ZNF148: variants seen among roughly 807,000 people sequenced by gnomAD.
ZNF148 encodes the protein zinc finger protein 148.
ZNF148 carries 7 observed loss-of-function variants against 67.7 expected under a neutral mutation model. The ratio of observed to expected loss-of-function variants is 0.10; its 90% CI spans 0.06 to 0.19. ZNF148 has a LOEUF of 0.19. Ranked by LOEUF, ZNF148 falls within the 10% of genes least tolerant of loss-of-function variation. The probability of loss-of-function intolerance (pLI) is 1.00; values close to 1 mark genes in which losing one functional copy is unlikely to be tolerated. For missense variants in ZNF148, 583 were observed against 947.1 expected, an observed-to-expected ratio of 0.62 and a Z score of 5.05; for synonymous variants, 333 against 330.7, an observed-to-expected ratio of 1.01 and a Z score of -0.08.
intron 2 of ZNF148, among the ~76,000 whole-genome samples, chr3:125,328,552 A>C (rs1233241407): frequency 6.6e-6 from 1 of 152,130 alleles, no homozygotes; most frequent in Non-Finnish European, 1.5e-5. Context: ...AATATACACT[A>C]TGTATGTTAC....
intron 1 of ZNF148, among the ~76,000 whole-genome samples, chr3:125,332,261 T>G (rs1032518845): frequency 6.6e-6 from 1 of 152,192 alleles, no homozygotes; most frequent in Non-Finnish European, 1.5e-5. Context: ...TTTAAAATAC[T>G]TGATTTCTAC....
At chr3:125,250,480 T>G (rs1936790853) in intron 7 of ZNF148, among the ~76,000 whole-genome samples, 1 of 152,218 alleles carries the variant, frequency 6.6e-6, no homozygotes, top group Non-Finnish European at 1.5e-5. Flanking sequence ...AGTGTGGACC[T>G]CTGATTACAT....
At chr3:125,370,930 G>A (rs1942858041) in intron 1 of ZNF148, among the ~76,000 whole-genome samples, 2 of 151,962 alleles carry the variant, frequency 1.3e-5, no homozygotes, top group African/African-American at 4.8e-5. Flanking sequence ...TCCTCAAAAT[G>A]TATCACCACC....
At chr3:125,354,820 A>G (rs1263533765) in intron 1 of ZNF148, among the ~76,000 whole-genome samples, 2 of 152,256 alleles carry the variant, frequency 1.3e-5, no homozygotes, top group African/African-American at 4.8e-5. Context: ...TTACAGTGGT[A>G]ACAACACCAT....
At chr3:125,367,663 C>G (rs1462810298) in intron 1 of ZNF148, among the ~76,000 whole-genome samples, 1 of 152,150 alleles carries the variant, frequency 6.6e-6, no homozygotes, top group Non-Finnish European at 1.5e-5. Context: ...TCAACAAGCT[C>G]GTGTCTACTG....
At chr3:125,241,982 C>A (rs1184858107) in intron 7 of ZNF148, among the ~76,000 whole-genome samples, 2 of 152,132 alleles carry the variant, frequency 1.3e-5, no homozygotes, top group African/African-American at 4.8e-5. Context: ...GTGGATGGAG[C>A]CATCTTATAT....
At chr3:125,305,919 C>T (rs1939854177) in intron 4 of ZNF148, among the ~76,000 whole-genome samples, 1 of 152,008 alleles carries the variant, frequency 6.6e-6, no homozygotes, top group African/African-American at 2.4e-5. Context: ...ATAGAACACT[C>T]ACCAAACAGA....
chr3:125,333,213 G>T (rs1248193091), intron 1 of ZNF148, among the ~76,000 whole-genome samples: 1 of 152,070 alleles, frequency 6.6e-6, no homozygotes, highest in African/African-American at 2.4e-5. Flanking sequence ...TTTATTGAAA[G>T]CACTAAATTA....
At chr3:125,242,867 A>G (rs907112394) in intron 7 of ZNF148, among the ~76,000 whole-genome samples, 1 of 152,150 alleles carries the variant, frequency 6.6e-6, no homozygotes, top group African/African-American at 2.4e-5. Flanking sequence ...CATCTGTTCC[A>G]CTAGTGTGAC....
chr3:125,341,202 T>C (rs548100280), intron 1 of ZNF148, among the ~76,000 whole-genome samples: 1 of 150,196 alleles, frequency 6.7e-6, no homozygotes, highest in Non-Finnish European at 1.5e-5. Flanking sequence ...AATAAAAATG[T>C]TTCCACAATT....
At chr3:125,259,010 A>G (rs946352258) in intron 7 of ZNF148, among the ~76,000 whole-genome samples, 1 of 152,196 alleles carries the variant, frequency 6.6e-6, no homozygotes, top group African/African-American at 2.4e-5. Context: ...AGTTAATTGT[A>G]TATTGCACAG....
chr3:125,338,659 C>CAAAAAAA (rs757727396), intron 1 of ZNF148, among the ~76,000 whole-genome samples: 15 of 51,174 alleles, frequency 2.9e-4, no homozygotes, highest in Non-Finnish European at 1.6e-4. Flanking sequence ...GACCCTGTCT[C>CAAAAAAA]AAAAAAAAAA....
At chr3:125,359,294 G>T (rs538446405) in intron 1 of ZNF148, among the ~76,000 whole-genome samples, 1 of 152,200 alleles carries the variant, frequency 6.6e-6, no homozygotes, top group African/African-American at 2.4e-5. Flanking sequence ...CTAAATCCTG[G>T]AACTAATCCT....
intron 1 of ZNF148, among the ~76,000 whole-genome samples, chr3:125,362,609 C>T (rs1308636351): frequency 2.0e-5 from 3 of 150,974 alleles, no homozygotes; most frequent in African/African-American, 7.3e-5. Context: ...GGCTGGAGTG[C>T]AGTGGTTCAA....
At chr3:125,269,023 T>A (rs535332873) in intron 7 of ZNF148, among the ~76,000 whole-genome samples, 1 of 151,574 alleles carries the variant, frequency 6.6e-6, no homozygotes, top group Non-Finnish European at 1.5e-5. Context: ...TAAAAACTGG[T>A]CAAAGGACAT....
intron 7 of ZNF148, among the ~76,000 whole-genome samples, chr3:125,253,021 T>C (rs1052818954): frequency 1.3e-5 from 2 of 152,124 alleles, no homozygotes; most frequent in African/African-American, 2.4e-5. Context: ...TCCCCTCCCG[T>C]TCTCTCCCCT....
chr3:125,374,719 C>G (rs1006127191), intron 1 of ZNF148, among the ~76,000 whole-genome samples: 1 of 152,056 alleles, frequency 6.6e-6, no homozygotes, highest in East Asian at 1.9e-4. Context: ...CTGCACCAGG[C>G]ACGGTGGACA....
At chr3:125,368,551 T>C in intron 1 of ZNF148, among the ~76,000 whole-genome samples, 1 of 152,248 alleles carries the variant, frequency 6.6e-6, no homozygotes, top group East Asian at 1.9e-4. Flanking sequence ...TATTTGATAT[T>C]GACTAACCTT....
At chr3:125,366,772 G>A (rs769471027) in intron 1 of ZNF148, among the ~76,000 whole-genome samples, 2 of 151,932 alleles carry the variant, frequency 1.3e-5, no homozygotes, top group Non-Finnish European at 2.9e-5. Flanking sequence ...CTTTGCTTAC[G>A]CTAATCTCTC....
Sources: gnomAD v4.1 joint callset for allele counts (sites outside exome capture counted in the v4.1 genomes callset) on GRCh38, gnomAD v4.1.1 for gene constraint, MANE v1.5 for transcripts, NCBI Gene and HGNC (gene_info 2026-07-23, HGNC 2026-07-21) for gene names.